Variants in GDPD5 observed in about 807,000 individuals in gnomAD.
The protein encoded by GDPD5 is glycerophosphodiester phosphodiesterase domain containing 5, also known as glycerophosphodiester phosphodiesterase 2.
GDPD5 carries 48 observed loss-of-function variants against 75.1 expected under a neutral mutation model. The observed-to-expected ratio is 0.64, with a 90% CI of 0.51 to 0.81. The LOEUF is 0.81. Ranked by LOEUF, GDPD5 falls within the 40% of genes least tolerant of loss-of-function variation. The pLI is 0.00. For synonymous variants in GDPD5, 336 were observed against 339.0 expected (o/e 0.99, Z 0.10); for missense variants, 706 against 822.6 (o/e 0.86, Z 1.73).
intron 2 of GDPD5, among the ~76,000 whole-genome samples, chr11:75,478,466 G>C (rs1311755230): frequency 6.6e-6 from 1 of 152,194 alleles, no homozygotes; most frequent in Non-Finnish European, 1.5e-5. Flanking sequence ...TACTCAATGA[G>C]ACTGTCCCAG....
chr11:75,448,493 G>A (rs79171860), intron 9 of GDPD5: 2 of 985,780 alleles, frequency 2.0e-6, no homozygotes, highest in Middle Eastern at 5.2e-4. Flanking sequence ...CCCTCTCACC[G>A]AAGCTCTCCT....
chr11:75,442,401 G>C lies in GDPD5; in HGVS notation c.1129C>G (p.Leu377Val). The C allele has an allele frequency of 1.3e-6, 2 of 1,590,638 alleles. No individual in the cohort carries two copies. Among genetic ancestry groups the C allele is most frequent in the Non-Finnish European group, 1.7e-6 (2 of 1,168,944 alleles). ...AAGCCGGAGTGCAGCACGGCCTCCA[G>C]AGTCACGTTGATAAAACTGCTGCGG... The part of the protein sequence containing the change: ...PYRSSFINVT[L>V]EAVLHSGFPQ... The change falls in exon 12 of 17, where the codon CTG becomes GTG. Residue 377 changes from leucine (L) to valine (V), a missense_variant. Leu to Val is a conservative substitution (Grantham distance 32). Transcript: ENST00000336898.
chr11:75,520,115 T>C (rs1412059818), intron 1 of GDPD5, among the ~76,000 whole-genome samples: 1 of 152,236 alleles, frequency 6.6e-6, no homozygotes, highest in Non-Finnish European at 1.5e-5. Context: ...TGGTGGGAAC[T>C]GTGAATCTGC....
At chr11:75,505,208 G>A (rs755761911) in intron 1 of GDPD5, among the ~76,000 whole-genome samples, 1 of 152,130 alleles carries the variant, frequency 6.6e-6, no homozygotes, top group Non-Finnish European at 1.5e-5. Flanking sequence ...AGTCCAGGAA[G>A]GCTTCACAGA....
chr11:75,435,712 G>A, intron 16 of GDPD5, 57 bp from the exon 17 acceptor site: 1 of 1,529,056 alleles, frequency 6.5e-7, no homozygotes, highest in Non-Finnish European at 8.9e-7. Context: ...CGTGAGGATG[G>A]GTGACAGATG....
At chr11:75,450,301 G>T in intron 6 of GDPD5, 1 of 453,290 alleles carries the variant, frequency 2.2e-6, no homozygotes. Flanking sequence ...TCAGTAAGGG[G>T]GACCTCCCTG....
rs142047565 is a variant in GDPD5 at position 75,475,193 on chromosome 11, C to T, written c.117+2426G>A. Among the ~76,000 whole-genome samples, 637 of 152,342 alleles carry T rather than the reference C, an allele frequency of 4.2e-3. 2 individuals carry two copies. Among genetic ancestry groups the T allele is most frequent in the African/African-American group, 0.014 (581 of 41,580 alleles). On this transcript the variant is annotated intron_variant, in intron 3 of 16. Coordinates refer to ENST00000336898, the MANE Select transcript of GDPD5 (RefSeq NM_030792.8). ...ATAAAATGCCTCGTGACTCTCCCAC[C>T]TTTCAGCCCATTTCACAGATGAGAC...
intron 6 of GDPD5, chr11:75,451,772 C>G (rs1410226566): frequency 6.6e-6 from 1 of 152,240 alleles, no homozygotes; most frequent in Non-Finnish European, 1.5e-5. Context: ...TTCCCCAAAC[C>G]CTAATACAAT....
intron 1 of GDPD5, among the ~76,000 whole-genome samples, chr11:75,522,835 C>T (rs560091062): frequency 1.3e-5 from 2 of 152,022 alleles, no homozygotes; most frequent in Admixed American, 6.5e-5. Context: ...ACAATGGGCC[C>T]GAGGGAATGG....
chr11:75,464,553 C>T (rs1174563924), intron 3 of GDPD5, among the ~76,000 whole-genome samples: 1 of 152,192 alleles, frequency 6.6e-6, no homozygotes, highest in Non-Finnish European at 1.5e-5. Flanking sequence ...AGTTGGGCGA[C>T]TCATGTTTGG....
intron 3 of GDPD5, among the ~76,000 whole-genome samples, chr11:75,466,909 C>A (rs1378221793): frequency 6.6e-6 from 1 of 152,056 alleles, no homozygotes; most frequent in Non-Finnish European, 1.5e-5. Flanking sequence ...CTCTGCAGGC[C>A]CCCTTGGGAG....
At chr11:75,464,607 G>A (rs1034009729) in intron 3 of GDPD5, among the ~76,000 whole-genome samples, 4 of 152,198 alleles carry the variant, frequency 2.6e-5, no homozygotes, top group African/African-American at 7.2e-5. Context: ...GAGCCCGACT[G>A]CCTTGCTTAG....
At chr11:75,489,003 G>A (rs1950062781) in intron 2 of GDPD5, among the ~76,000 whole-genome samples, 1 of 152,162 alleles carries the variant, frequency 6.6e-6, no homozygotes, top group Non-Finnish European at 1.5e-5. Context: ...ACTGGGCCTG[G>A]CACCAAGGAG....
chr11:75,489,792 T>G (rs1950078012), intron 2 of GDPD5, among the ~76,000 whole-genome samples: 1 of 149,884 alleles, frequency 6.7e-6, no homozygotes, highest in Admixed American at 6.7e-5. Flanking sequence ...CAGGCTGGAG[T>G]GTAGTGGCAC....
chr11:75,466,530 G>A (rs1035753712), intron 3 of GDPD5, among the ~76,000 whole-genome samples: 3 of 152,178 alleles, frequency 2.0e-5, no homozygotes, highest in South Asian at 2.1e-4. Context: ...TCCCAGAGAC[G>A]TGGAGCAGTG....
At chr11:75,455,485 G>T (rs1188317397) in intron 6 of GDPD5, 1 of 410,620 alleles carries the variant, frequency 2.4e-6, no homozygotes, top group Non-Finnish European at 4.9e-6. Context: ...CGGCCTCGGT[G>T]CCTCCCTGGA....
intron 1 of GDPD5, among the ~76,000 whole-genome samples, chr11:75,512,210 C>T (rs886293982): frequency 6.7e-6 from 1 of 150,026 alleles, no homozygotes; most frequent in African/African-American, 2.4e-5. Flanking sequence ...AATGAATACA[C>T]GAACCAATTC....
rs969226824 is a variant in GDPD5, at chr11:75,449,374, C to G, written c.568+143G>C. 6 of 820,260 alleles carry G rather than the reference C, an allele frequency of 7.3e-6. No individual in the cohort carries two copies. In the Admixed American group the frequency reaches 1.2e-4, roughly 17 times the overall value. The allele number at this position is 820,260 out of a possible 1,614,324, so 50.8% of individuals were successfully genotyped here. ...CCCTCCGTGGACTCTGTGGGCCACT[C>G]TGAGCCAGAATCCCCCTCACTGAGT... is the stretch of plus-strand genomic sequence containing the variant. On this transcript the variant is annotated intron_variant, in intron 8 of 16. Coordinates refer to ENST00000336898, the MANE Select transcript of GDPD5 (RefSeq NM_030792.8).
chr11:75,475,827 C>A (rs1935228555), intron 3 of GDPD5, among the ~76,000 whole-genome samples: 1 of 152,180 alleles, frequency 6.6e-6, no homozygotes, highest in African/African-American at 2.4e-5. Flanking sequence ...GGCCCCAGAC[C>A]CCTGCCTCAG....
Sources: gnomAD v4.1 joint callset for allele counts (sites outside exome capture counted in the v4.1 genomes callset) on GRCh38, gnomAD v4.1.1 for gene constraint, MANE v1.5 for transcripts, NCBI Gene and HGNC (gene_info 2026-07-23, HGNC 2026-07-21) for gene names.